CRLF2: variants seen among roughly 807,000 people sequenced by gnomAD.
CRLF2 encodes the protein cytokine receptor-like factor 2.
CRLF2 carries 41 observed loss-of-function variants against 38.7 expected under a neutral mutation model. The ratio of observed to expected loss-of-function variants is 1.06; its 90% CI spans 0.83 to 1.37. The LOEUF (loss-of-function observed/expected upper bound fraction) is 1.37. Ranked by LOEUF, CRLF2 falls within the 40% of genes most tolerant of loss-of-function variation. The probability of loss-of-function intolerance (pLI) is 0.00; values close to 1 mark genes in which losing one functional copy is unlikely to be tolerated. For synonymous variants in CRLF2, 140 were observed against 128.8 expected (o/e 1.09, Z -0.59); for missense variants, 377 against 322.2 (o/e 1.17, Z -1.30).
chrX:1,193,829 C>T (rs1365358709), intron 6 of CRLF2, among the ~76,000 whole-genome samples: 3 of 145,112 alleles, frequency 2.1e-5, no homozygotes, highest in Non-Finnish European at 3.0e-5. Context: ...GGTGTGGTGG[C>T]GGATGCCTGT....
chrX:1,193,412 C>T (rs1310145731), intron 6 of CRLF2, 110 bp from the exon 7 acceptor site: 43 of 396,584 alleles, frequency 1.1e-4, no homozygotes, highest in African/African-American at 4.9e-4. Flanking sequence ...AATGGCAGAG[C>T]GGGGCCTTCC....
rs1385002102 is a variant in CRLF2, at chrX:1,190,548, C to T, written c.*349G>A. The T allele has an allele frequency of 7.7e-5, 23 of 297,484 alleles. No individual in the cohort carries two copies. The highest frequency in any genetic ancestry group is 3.6e-4 in the African/African-American group (17 of 47,224). The allele number at this position is 297,484 out of a possible 1,614,324, so 18.4% of individuals were successfully genotyped here. A position where few individuals can be genotyped will look rare whatever the true frequency, so the allele number is the denominator to read the frequency against. ...CAATGCTATGGGAATGGTACATGGACGGAACTGGGGACTCACAGAGTGGGA... is the reference window on the plus strand; with the variant it reads ...CAATGCTATGGGAATGGTACATGGATGGAACTGGGGACTCACAGAGTGGGA... On this transcript the variant is annotated 3_prime_UTR_variant, in exon 8 of 8. Coordinates refer to ENST00000400841, the MANE Select transcript of CRLF2 (RefSeq NM_022148.4).
At position 1,191,080 on chromosome X, in the gene CRLF2, G is replaced by C. The variant is rs2086365083; in HGVS notation, c.933C>G (p.Pro311=). 6 of 398,540 alleles carry C rather than the reference G, an allele frequency of 1.5e-5. No homozygotes were observed. The highest frequency in any genetic ancestry group is 2.7e-5 in the Non-Finnish European group (6 of 226,102). The allele number at this position is 398,540 out of a possible 1,614,324, so 24.7% of individuals were successfully genotyped here. ...GAEQESGPEE[P]LVVQLAKTEA... is the part of the protein sequence containing the mutation. ...CAGTCTTGGCCAACTGGACTACCAG[G>C]GGCTCCTCGGGGCCACTTTCTTGCT... Residue 311 remains proline, a synonymous_variant, in exon 8 of 8, where the codon CCC becomes CCG. Coordinates refer to ENST00000400841, the MANE Select transcript of CRLF2 (RefSeq NM_022148.4).
At chrX:1,197,619 G>T (rs9330634) in intron 5 of CRLF2, among the ~76,000 whole-genome samples, 72 of 151,716 alleles carry the variant, frequency 4.7e-4, no homozygotes, top group African/African-American at 1.6e-3. Flanking sequence ...TTCGAGACCA[G>T]CCTGGCCAAT....
At chrX:1,204,751 T>A (rs1249070153) in intron 3 of CRLF2, among the ~76,000 whole-genome samples, 1 of 150,944 alleles carries the variant, frequency 6.6e-6, no homozygotes, top group Non-Finnish European at 1.5e-5. Flanking sequence ...GGTCTCGAAC[T>A]CCAGACCTCA....
At chrX:1,195,934 AATATATTTAT>A (rs1350856412) in intron 6 of CRLF2, among the ~76,000 whole-genome samples, 1 of 141,890 alleles carries the variant, frequency 7.0e-6, no homozygotes, top group African/African-American at 2.6e-5. Flanking sequence ...GATTACATTA[AATATATTTAT>A]ATATATTTTA....
intron 1 of CRLF2, 91 bp downstream of exon 1, chrX:1,212,465 C>T: frequency 1.3e-6 from 1 of 752,422 alleles, no homozygotes. Flanking sequence ...CCTCCATGCT[C>T]ATTGTTTAAG....
At chrX:1,197,663 C>G (rs1414843744) in intron 5 of CRLF2, among the ~76,000 whole-genome samples, 3 of 151,624 alleles carry the variant, frequency 2.0e-5, no homozygotes, top group South Asian at 4.2e-4. Context: ...AAAATACAAA[C>G]ATTAGGCGGG....
intron 7 of CRLF2, among the ~76,000 whole-genome samples, chrX:1,192,021 T>G (rs1388907501): frequency 1.4e-5 from 2 of 142,198 alleles, no homozygotes; most frequent in East Asian, 4.6e-4. Context: ...CCGACTAACA[T>G]GGTGAAACCC....
At position 1,193,273 on chromosome X, in the gene CRLF2, G is replaced by C; in HGVS notation, c.797C>G (p.Pro266Arg). 2.5e-6 allele frequency: 1 copy of C among 398,594 alleles called. No individual in the cohort carries two copies. Among genetic ancestry groups the C allele is most frequent in the East Asian group, 3.6e-5 (1 of 28,034 alleles). The allele number at this position is 398,594 out of a possible 1,614,324, so 24.7% of individuals were successfully genotyped here. ...RVKKFLIPSV[P>R]DPKSIFPGLF... The stretch of plus-strand genomic sequence containing the variant: ...CCCGGGGAAGATGGATTTCGGGTCT[G>C]GCACGCTGGGAATGAGAAACTTCTT... Residue 266 changes from proline to arginine, a missense_variant, in exon 7 of 8, where the codon CCA becomes CGA. Coordinates refer to ENST00000400841, the MANE Select transcript of CRLF2 (RefSeq NM_022148.4).
intron 5 of CRLF2, 75 bp from the exon 6 acceptor site, chrX:1,196,975 T>G: frequency 1.5e-6 from 2 of 1,356,676 alleles, no homozygotes; most frequent in South Asian, 1.4e-5. Context: ...TGATGTTACA[T>G]CTCATCCCTA....
intron 7 of CRLF2, among the ~76,000 whole-genome samples, chrX:1,192,547 T>C (rs1202149731): frequency 2.0e-5 from 3 of 151,830 alleles, no homozygotes; most frequent in African/African-American, 2.4e-5. Context: ...CCCTGGGAGG[T>C]GGAGGTTGCA....
At chrX:1,212,186 TAGATG>T (rs1337416789) in intron 1 of CRLF2, among the ~76,000 whole-genome samples, 61 of 151,864 alleles carry the variant, frequency 4.0e-4, no homozygotes, top group Non-Finnish European at 7.5e-4. Flanking sequence ...TGGGAAAAGA[TAGATG>T]AGATACATTG....
intron 7 of CRLF2, among the ~76,000 whole-genome samples, chrX:1,192,013 G>A (rs1330088000): frequency 2.8e-5 from 4 of 145,302 alleles, no homozygotes; most frequent in Admixed American, 1.4e-4. Context: ...AGACCATCCC[G>A]ACTAACATGG....
chrX:1,192,740 CTTTCTTTCTTTCTTTCTTTCT>C (rs2086413293), intron 7 of CRLF2, among the ~76,000 whole-genome samples: 10 of 113,002 alleles, frequency 8.8e-5, no homozygotes, highest in Non-Finnish European at 1.9e-4. Flanking sequence ...TTCTTTCTTT[CTTTCTTTCTTTCTTTCTTTCT>C]TTCTTTCCTT....
intron 1 of CRLF2, among the ~76,000 whole-genome samples, chrX:1,210,121 G>A (rs1167561984): frequency 0.016 from 759 of 47,744 alleles, 52 homozygotes; most frequent in African/African-American, 0.069. Flanking sequence ...AAAAAGAAAA[G>A]AAAAGAAAAG....
chrX:1,204,079 C>A (rs1299798530), intron 3 of CRLF2, among the ~76,000 whole-genome samples: 1 of 40,620 alleles, frequency 2.5e-5, no homozygotes, highest in East Asian at 1.2e-3. Context: ...CAGAGCAAGA[C>A]CCTCTCTCTC....
chrX:1,194,225 G>A (rs1451322566), intron 6 of CRLF2, among the ~76,000 whole-genome samples: 1 of 152,048 alleles, frequency 6.6e-6, no homozygotes, highest in Non-Finnish European at 1.5e-5. Context: ...GGGAGGCGGA[G>A]ACTGCAGTGA....
At chrX:1,200,551 T>A (rs1322300794) in intron 4 of CRLF2, among the ~76,000 whole-genome samples, 20 of 145,212 alleles carry the variant, frequency 1.4e-4, no homozygotes, top group African/African-American at 5.0e-4. Flanking sequence ...TATGTGTGGG[T>A]ATATATATGT....
Sources: gnomAD v4.1 joint callset for allele counts (sites outside exome capture counted in the v4.1 genomes callset) on GRCh38, gnomAD v4.1.1 for gene constraint, MANE v1.5 for transcripts, NCBI Gene and HGNC (gene_info 2026-07-23, HGNC 2026-07-21) for gene names.